Variants in APEH observed in about 807,000 individuals in gnomAD.
APEH encodes acylamino-acid-releasing enzyme.
APEH carries 75 observed loss-of-function variants against 102.7 expected under a neutral mutation model. The observed-to-expected ratio is 0.73, with a 90% CI of 0.61 to 0.89. The LOEUF (loss-of-function observed/expected upper bound fraction) is 0.89. Ranked by LOEUF, APEH falls within the 40% of genes least tolerant of loss-of-function variation. The pLI is 0.00. For missense variants in APEH, 863 were observed against 941.2 expected (o/e 0.92, Z 1.09); for synonymous variants, 344 against 362.7 (o/e 0.95, Z 0.59).
At position 49,681,885 on chromosome 3, in the gene APEH, A is replaced by G. The variant is rs765904928; in HGVS notation, c.1523-2A>G. 1.2e-6 allele frequency: 2 copies of G among 1,613,982 alleles called. No homozygotes were observed. On this transcript the variant is annotated splice_acceptor_variant, in intron 16 of 21. Coordinates refer to ENST00000296456, the MANE Select transcript of APEH (RefSeq NM_001640.4). LOFTEE classifies it high-confidence loss of function. ...CTTTCACCCTCCGCTCCCTGTCTGC[A>G]GGGGGGCCCCATTCATCCTTTGTCA... is the stretch of plus-strand genomic sequence containing the variant.
chr3:49,678,383 G>A (rs2053164941), intron 11 of APEH, among the ~76,000 whole-genome samples: 1 of 152,172 alleles, frequency 6.6e-6, no homozygotes. Flanking sequence ...TCATGGAGGG[G>A]TGATTGTGTC....
chr3:49,677,926 C>T (rs2053142678), intron 11 of APEH, among the ~76,000 whole-genome samples: 2 of 152,126 alleles, frequency 1.3e-5, no homozygotes, highest in African/African-American at 2.4e-5. Context: ...TTAGAGTTTT[C>T]TTATTTTTCC....
Position 49,679,893 on chromosome 3 carries a change from C to G in APEH, c.1210+249C>G. The G allele has an allele frequency of 2.3e-6, 1 of 443,616 alleles. No homozygotes were observed. Among genetic ancestry groups the G allele is most frequent in the Non-Finnish European group, 4.2e-6 (1 of 237,358 alleles). 27.5% of individuals were successfully genotyped at this position (443,616 alleles called of 1,614,324 possible). A position where few individuals can be genotyped will look rare whatever the true frequency, so the allele number is the denominator to read the frequency against. ...TCAACTCTGTTCCATGTGTCCTGGC[C>G]CAGCCTCAGCACGGCCCCCACCTCT... On this transcript the variant is annotated intron_variant, in intron 13 of 21. Coordinates refer to ENST00000296456, the MANE Select transcript of APEH (RefSeq NM_001640.4). This position sits in a 1 kb window ranked among gnomAD's most constrained non-coding sequence, Gnocchi z 4.3.
chr3:49,673,576 G>A (rs1049871051), upstream of APEH, among the ~76,000 whole-genome samples: 2 of 152,160 alleles, frequency 1.3e-5, no homozygotes, highest in African/African-American at 4.8e-5. Flanking sequence ...AGCACCCTAA[G>A]AGTTGGCACC....
chr3:49,674,851 G>A (rs1291500290), intron 2 of APEH, among the ~76,000 whole-genome samples: 2 of 152,144 alleles, frequency 1.3e-5, no homozygotes, highest in Non-Finnish European at 2.9e-5. Flanking sequence ...ACGGCGTAGG[G>A]GTAGAAGTCA....
upstream of APEH, among the ~76,000 whole-genome samples, chr3:49,673,181 C>T (rs1162459724): frequency 7.2e-6 from 1 of 138,976 alleles, no homozygotes; most frequent in Admixed American, 7.7e-5. Context: ...ACAGGCCAGA[C>T]AAGTGGACTC....
Position 49,682,824 on chromosome 3 carries a change from AC to A in APEH, c.1884-18del. The A allele has an allele frequency of 6.2e-7, 1 of 1,613,944 alleles. No homozygotes were observed. The highest frequency in any genetic ancestry group is 8.5e-7 in the Non-Finnish European group (1 of 1,179,956). On this transcript the variant is annotated intron_variant, in intron 19 of 21. Transcript: ENST00000296456. Reference sequence around the variant, plus strand: ...TAGCCCCAGAATTCCTGGGGCTGCAACAGCTCGGTGTCTTGCAGGTGCGTGG... The same window carrying A: ...TAGCCCCAGAATTCCTGGGGCTGCAAAGCTCGGTGTCTTGCAGGTGCGTGG...
chr3:49,675,902 G>T lies in APEH; in HGVS notation c.378G>T (p.Lys126Asn). 1 of 1,614,190 alleles carries T rather than the reference G, an allele frequency of 6.2e-7. No homozygotes were observed. Among genetic ancestry groups the T allele is most frequent in the Non-Finnish European group, 8.5e-7 (1 of 1,180,028 alleles). Residue 126 changes from lysine (K) to asparagine (N), a missense_variant, in exon 5 of 22, where the codon AAG becomes AAT. Physicochemically the swap from Lys to Asn is moderately conservative, Grantham distance 94. Transcript: ENST00000296456. ...CCAGATGTCCTCAGGTCTGGGAGAAGAACCGGAAGCTCAAGAGCTTCAACC... is the reference window on the plus strand; with the variant it reads ...CCAGATGTCCTCAGGTCTGGGAGAATAACCGGAAGCTCAAGAGCTTCAACC... The part of the protein sequence containing the change: ...EEKQFLEVWE[K>N]NRKLKSFNLS...
At chr3:49,677,123 T>C (rs766139431) in intron 10 of APEH, 99 bp downstream of exon 10, 1 of 1,529,160 alleles carries the variant, frequency 6.5e-7, no homozygotes, top group Non-Finnish European at 8.9e-7. Flanking sequence ...AGGCCCTCAG[T>C]AGGTGCCCTT....
chr3:49,676,141 C>G lies in APEH; in HGVS notation c.528C>G (p.Phe176Leu). The change falls in exon 6 of 22, where the codon TTC becomes TTG. Residue 176 changes from phenylalanine (F) to leucine (L), a missense_variant. By Grantham distance (22) the Phe-to-Leu change is conservative. Transcript: ENST00000296456. ...AEKKRPKAES[F>L]FQTKALDVSA... ...AGAAGCGCCCCAAGGCCGAGTCCTT[C>G]TTTCAGACCAAAGCCTTGGACGTCA... 1.2e-6 allele frequency: 2 copies of G among 1,614,216 alleles called. No homozygotes were observed. The highest frequency in any genetic ancestry group is 1.7e-6 in the Non-Finnish European group (2 of 1,180,040).
intron 2 of APEH, 92 bp from the exon 3 acceptor site, chr3:49,675,091 A>G: frequency 6.5e-7 from 1 of 1,535,500 alleles, no homozygotes. Flanking sequence ...ATTGGGGAAG[A>G]TAGATCTAGG....
At position 49,682,354 on chromosome 3, in the gene APEH, A is replaced by G. The variant is rs763520254; in HGVS notation, c.1610A>G (p.Tyr537Cys). 2 of 1,613,222 alleles carry G rather than the reference A, an allele frequency of 1.2e-6. No homozygotes were observed. The highest frequency in any genetic ancestry group is 1.7e-6 in the Non-Finnish European group (2 of 1,179,450). The change falls in exon 18 of 22, where the codon TAT becomes TGT. Residue 537 changes from tyrosine to cysteine, a missense_variant. Transcript: ENST00000296456. ...GGTCCCTCCCTGCCCTCAGTGAACT[A>G]TCGTGGCTCCACGGGCTTTGGCCAG... Reference protein sequence around the residue: ...KMGFAVLLVNYRGSTGFGQDS... With the variant: ...KMGFAVLLVNCRGSTGFGQDS...
upstream of APEH, among the ~76,000 whole-genome samples, chr3:49,673,588 G>C (rs1428191736): frequency 6.6e-6 from 1 of 152,098 alleles, no homozygotes; most frequent in African/African-American, 2.4e-5. Flanking sequence ...GTTGGCACCC[G>C]CCCCTCTGCC....
rs751224746 is a variant in APEH at position 49,675,278 on chromosome 3, C to T, written c.241C>T (p.Pro81Ser). ...HDGDSVVFAG[P>S]AGNSVETRGE... Reference sequence around the variant, plus strand: ...CGGGGACTCAGTGGTGTTTGCAGGACCTGCAGGCAACAGTGTGGAGACCCG... The same window carrying T: ...CGGGGACTCAGTGGTGTTTGCAGGATCTGCAGGCAACAGTGTGGAGACCCG... The change falls in exon 3 of 22, where the codon CCT becomes TCT. Residue 81 changes from proline to serine, a missense_variant. By Grantham distance (74) the Pro-to-Ser change is moderately conservative. Transcript: ENST00000296456. 2 of 1,614,042 alleles carry T rather than the reference C, an allele frequency of 1.2e-6. No individual in the cohort carries two copies. Among genetic ancestry groups the T allele is most frequent in the South Asian group, 2.2e-5 (2 of 91,072 alleles).
chr3:49,677,321 A>G (rs2053106235), intron 10 of APEH, among the ~76,000 whole-genome samples: 1 of 152,164 alleles, frequency 6.6e-6, no homozygotes, highest in Non-Finnish European at 1.5e-5. Context: ...GGGCTGGGAT[A>G]TAGTGGGGAG....
chr3:49,675,219 T>G lies in APEH; in HGVS notation c.182T>G (p.Ile61Ser). ...AGGGACCTGGAACGCATGGAGAACA[T>G]TCGATTCTGCCGCCAATACCTGGTG... ...TQRDLERMEN[I>S]RFCRQYLVFH... The change falls in exon 3 of 22, where the codon ATT (isoleucine) becomes AGT (serine). Residue 61 changes from isoleucine (I) to serine (S), a missense_variant. By Grantham distance (142) the Ile-to-Ser change is moderately radical. Transcript: ENST00000296456. The G allele has an allele frequency of 6.2e-7, 1 of 1,613,992 alleles. No homozygotes were observed.
chr3:49,677,100 A>G, intron 10 of APEH, 76 bp downstream of exon 10: 9 of 1,593,986 alleles, frequency 5.6e-6, no homozygotes, highest in Non-Finnish European at 6.8e-6. Context: ...AAGGGCCAGT[A>G]TCATCTCCCC....
At position 49,676,118 on chromosome 3, in the gene APEH, A is replaced by C. The variant is rs926895962; in HGVS notation, c.505A>C (p.Lys169Gln). The C allele has an allele frequency of 1.9e-6, 3 of 1,614,228 alleles. No individual in the cohort carries two copies. The highest frequency in any genetic ancestry group is 1.3e-5 in the African/African-American group (1 of 75,076). Residue 169 changes from lysine (K) to glutamine (Q), a missense_variant, in exon 6 of 22, where the codon AAG (lysine) becomes CAG (glutamine). Lys to Gln is a moderately conservative substitution (Grantham distance 53). Coordinates refer to ENST00000296456, the MANE Select transcript of APEH (RefSeq NM_001640.4). ...ETHLLYVAEK[K>Q]RPKAESFFQT... is the part of the protein sequence containing the mutation. ...ACACTTGTTGTATGTGGCAGAGAAG[A>C]AGCGCCCCAAGGCCGAGTCCTTCTT...
chr3:49,680,370 G>GCA, intron 13 of APEH, 171 bp from the exon 14 acceptor site: 1 of 605,742 alleles, frequency 1.7e-6, no homozygotes, highest in Non-Finnish European at 3.0e-6. Context: ...AACAGACTGA[G>GCA]AGCAGGAGGC....
Sources: allele counts gnomAD v4.1 joint callset (sites outside exome capture counted in the v4.1 genomes callset), GRCh38; gene constraint gnomAD v4.1.1; non-coding constraint Gnocchi (gnomAD v3.1); transcripts MANE v1.5; gene names NCBI Gene and HGNC (gene_info 2026-07-23, HGNC 2026-07-21).